SHISA9: variants seen among roughly 807,000 people sequenced by gnomAD.
SHISA9 encodes protein shisa-9.
In SHISA9, 13 loss-of-function variants were observed where a neutral mutation model predicts 38.0. The observed-to-expected ratio is 0.34, with a 90% CI of 0.22 to 0.54. The LOEUF is 0.54. Among genes scored for constraint, SHISA9 ranks in the 20% least tolerant of loss-of-function variants. The pLI, the probability that SHISA9 is intolerant of heterozygous loss-of-function variation, is 0.91. For synonymous variants in SHISA9, 275 were observed against 242.0 expected, an observed-to-expected ratio of 1.14 and a Z score of -1.27; for missense variants, 538 against 575.8, an observed-to-expected ratio of 0.93 and a Z score of 0.67.
chr16:12,988,156 C>T (rs188221895), intron 2 of SHISA9, among the ~76,000 whole-genome samples: 1 of 152,306 alleles, frequency 6.6e-6, no homozygotes, highest in Admixed American at 6.5e-5. Flanking sequence ...TCCAGATGGA[C>T]CACAACAGGC....
At chr16:13,268,489 A>G in the SHISA9 span, among the ~76,000 whole-genome samples, 54 of 152,116 alleles carry the variant, frequency 3.5e-4, no homozygotes, top group Admixed American at 1.0e-3. Context: ...ATCCTGGGTG[A>G]CAAAAGCAAA....
chr16:13,091,879 G>A (rs914234832), intron 2 of SHISA9, among the ~76,000 whole-genome samples: 6 of 152,176 alleles, frequency 3.9e-5, no homozygotes, highest in Non-Finnish European at 7.3e-5. Flanking sequence ...AGGAGAAGAG[G>A]CGCTCTGGTT....
At chr16:13,228,918 C>T (rs563036070) in intron 4 of SHISA9, among the ~76,000 whole-genome samples, 47 of 152,182 alleles carry the variant, frequency 3.1e-4, no homozygotes, top group African/African-American at 1.1e-3. Context: ...CCTAGCCCTT[C>T]GGGAGGCCAA....
chr16:13,074,654 C>CTCTTTT (rs956306905), intron 2 of SHISA9, among the ~76,000 whole-genome samples: 1 of 150,862 alleles, frequency 6.6e-6, no homozygotes, highest in Non-Finnish European at 1.5e-5. Flanking sequence ...CTTTTCTTTT[C>CTCTTTT]TCTTTTTCTT....
chr16:13,193,105 G>A (rs1037749739), intron 2 of SHISA9, among the ~76,000 whole-genome samples: 5 of 152,182 alleles, frequency 3.3e-5, no homozygotes, highest in Non-Finnish European at 7.4e-5. Flanking sequence ...TCAATGCGTG[G>A]TTCAATGCTG....
intron 2 of SHISA9, among the ~76,000 whole-genome samples, chr16:13,184,138 C>T (rs2050799997): frequency 6.6e-6 from 1 of 152,042 alleles, no homozygotes. Context: ...GTAGCTGCCT[C>T]ACTAAATTGA....
downstream of SHISA9, among the ~76,000 whole-genome samples, chr16:13,242,093 C>G (rs145139174): frequency 6.6e-6 from 1 of 152,368 alleles, no homozygotes; most frequent in East Asian, 1.9e-4. Flanking sequence ...TTGGTTCTCA[C>G]TGCAAAAGGT....
At chr16:13,188,496 T>C (rs2050850410) in intron 2 of SHISA9, among the ~76,000 whole-genome samples, 1 of 152,050 alleles carries the variant, frequency 6.6e-6, no homozygotes, top group Non-Finnish European at 1.5e-5. Flanking sequence ...CGTGAGAGGA[T>C]GGCTTGAGCC....
At chr16:13,252,085 T>C in the SHISA9 span, among the ~76,000 whole-genome samples, 2 of 152,208 alleles carry the variant, frequency 1.3e-5, no homozygotes, top group African/African-American at 2.4e-5. Context: ...TTTCACTCCA[T>C]GTAAAGTCAA....
chr16:13,134,022 C>G (rs1438515277), intron 2 of SHISA9, among the ~76,000 whole-genome samples: 1 of 152,180 alleles, frequency 6.6e-6, no homozygotes, highest in Non-Finnish European at 1.5e-5. Context: ...ACTCTACAAT[C>G]ATCTTGATCT....
chr16:13,386,583 C>A, the SHISA9 span, among the ~76,000 whole-genome samples: 1 of 152,194 alleles, frequency 6.6e-6, no homozygotes, highest in African/African-American at 2.4e-5. Context: ...GTGTGTCTGG[C>A]ACGTACTAAA....
At chr16:12,977,509 A>G (rs1399266292) in intron 2 of SHISA9, among the ~76,000 whole-genome samples, 1 of 152,218 alleles carries the variant, frequency 6.6e-6, no homozygotes, top group East Asian at 1.9e-4. Context: ...ATGAAGATAT[A>G]TGCGCGTGTA....
the SHISA9 span, among the ~76,000 whole-genome samples, chr16:13,494,561 G>A: frequency 2.0e-5 from 3 of 152,040 alleles, no homozygotes; most frequent in Non-Finnish European, 2.9e-5. Context: ...TAAAGAATTC[G>A]TTATGAGAAA....
intron 2 of SHISA9, among the ~76,000 whole-genome samples, chr16:13,056,267 G>A (rs1448487150): frequency 6.6e-6 from 1 of 152,226 alleles, no homozygotes; most frequent in Admixed American, 6.5e-5. Flanking sequence ...TGCTGGGGGT[G>A]TATACTTGAA....
the SHISA9 span, among the ~76,000 whole-genome samples, chr16:13,356,163 A>G: frequency 6.6e-6 from 1 of 152,084 alleles, no homozygotes; most frequent in Non-Finnish European, 1.5e-5. Context: ...ACTTTTTTCT[A>G]TTATTGTACA....
At chr16:12,940,387 T>C (rs2071594378) in intron 2 of SHISA9, among the ~76,000 whole-genome samples, 1 of 152,092 alleles carries the variant, frequency 6.6e-6, no homozygotes, top group Admixed American at 6.6e-5. Flanking sequence ...CACATTCCTT[T>C]CCTTATTCGG....
At chr16:13,340,870 C>T in the SHISA9 span, among the ~76,000 whole-genome samples, 5 of 152,114 alleles carry the variant, frequency 3.3e-5, no homozygotes, top group African/African-American at 9.7e-5. Flanking sequence ...GCCCACTCTC[C>T]ACTCCACTCT....
intron 2 of SHISA9, among the ~76,000 whole-genome samples, chr16:12,938,808 C>T (rs1222449902): frequency 2.0e-5 from 3 of 152,004 alleles, no homozygotes; most frequent in Non-Finnish European, 4.4e-5. Context: ...TTTTGACTTT[C>T]CATGCCATGT....
intron 2 of SHISA9, among the ~76,000 whole-genome samples, chr16:13,149,554 A>T (rs2050478771): frequency 6.6e-6 from 1 of 152,042 alleles, no homozygotes; most frequent in South Asian, 2.1e-4. Flanking sequence ...TAGCTCCTTG[A>T]CCCTGAGCGG....
Sources: gnomAD v4.1 joint callset for allele counts (sites outside exome capture counted in the v4.1 genomes callset) on GRCh38, gnomAD v4.1.1 for gene constraint, MANE v1.5 for transcripts, NCBI Gene and HGNC (gene_info 2026-07-23, HGNC 2026-07-21) for gene names.